HEPHL1: variants seen among roughly 807,000 people sequenced by gnomAD.
HEPHL1 encodes hephaestin like 1.
HEPHL1 carries 123 observed loss-of-function variants against 122.0 expected under a neutral mutation model. The observed-to-expected ratio is 1.01, with a 90% CI of 0.87 to 1.17. HEPHL1 has a LOEUF of 1.17. Among genes scored for constraint, HEPHL1 ranks in the 50% most tolerant of loss-of-function variants. HEPHL1 has a pLI of 0.00. For synonymous variants in HEPHL1, 527 were observed against 508.9 expected (o/e 1.04, Z -0.48); for missense variants, 1,452 against 1,430.5 (o/e 1.01, Z -0.24).
chr11:94,054,072 T>C (rs981393682), intron 2 of HEPHL1, among the ~76,000 whole-genome samples: 5 of 152,224 alleles, frequency 3.3e-5, no homozygotes, highest in African/African-American at 9.6e-5. Context: ...ACAATTATTG[T>C]TGAGTTGTCT....
intron 17 of HEPHL1, among the ~76,000 whole-genome samples, chr11:94,108,827 G>T (rs1001497790): frequency 6.6e-6 from 1 of 151,994 alleles, no homozygotes. Flanking sequence ...AAATCAGATG[G>T]TGATTGTTTT....
At chr11:94,090,912 G>T (rs1383789801) in intron 12 of HEPHL1, among the ~76,000 whole-genome samples, 1 of 152,174 alleles carries the variant, frequency 6.6e-6, no homozygotes, top group Non-Finnish European at 1.5e-5. Flanking sequence ...AAACATGCTG[G>T]GAAGGTCTCA....
Position 94,021,450 on chromosome 11 carries a change from A to T in HEPHL1, c.82A>T (p.Thr28Ser). The T allele has an allele frequency of 6.2e-7, 1 of 1,613,326 alleles. No homozygotes were observed. Among genetic ancestry groups the T allele is most frequent in the Non-Finnish European group, 8.5e-7 (1 of 1,179,282 alleles). Residue 28 changes from threonine (T) to serine (S), a missense_variant, in exon 1 of 20, where the codon ACG (threonine) becomes TCG (serine). Transcript: ENST00000315765. The stretch of plus-strand genomic sequence containing the variant: ...TGGGCTGGTTGGCACAGTTACCAGA[A>T]CGTACTACATTGGGATTGTGGAAGA... Reference protein sequence around the residue: ...LSGLVGTVTRTYYIGIVEEYW... With the variant: ...LSGLVGTVTRSYYIGIVEEYW...
At chr11:94,075,671 G>T (rs928950984) in intron 9 of HEPHL1, among the ~76,000 whole-genome samples, 5 of 152,126 alleles carry the variant, frequency 3.3e-5, no homozygotes, top group African/African-American at 1.2e-4. Flanking sequence ...AATCTTTAGA[G>T]ATCCACATGG....
At chr11:94,042,884 A>AAAAACAAAAAACAAACG (rs1555058791) in intron 1 of HEPHL1, among the ~76,000 whole-genome samples, 1 of 31,086 alleles carries the variant, frequency 3.2e-5, no homozygotes, top group East Asian at 5.5e-4. Context: ...ATAAAAAAAA[A>AAAAACAAAAAACAAACG]AAAAAAAAAC....
At chr11:94,054,646 G>A (rs994992396) in intron 2 of HEPHL1, among the ~76,000 whole-genome samples, 1 of 152,178 alleles carries the variant, frequency 6.6e-6, no homozygotes, top group Non-Finnish European at 1.5e-5. Context: ...ATCAACGATA[G>A]GATGGAGGCT....
chr11:94,073,960 A>C (rs1161304163), intron 8 of HEPHL1, among the ~76,000 whole-genome samples: 2 of 152,156 alleles, frequency 1.3e-5, no homozygotes, highest in Non-Finnish European at 2.9e-5. Flanking sequence ...CACAGAGTAC[A>C]TGGCATAGGT....
chr11:94,055,202 C>T, intron 2 of HEPHL1: 1 of 262,484 alleles, frequency 3.8e-6, no homozygotes, highest in Non-Finnish European at 7.7e-6. Context: ...ACTCCCTTGG[C>T]AGAGATGATG....
chr11:94,093,132 T>C (rs1946274902), intron 12 of HEPHL1, among the ~76,000 whole-genome samples: 1 of 147,928 alleles, frequency 6.8e-6, no homozygotes, highest in African/African-American at 2.5e-5. Context: ...GTGTGTGTGA[T>C]GACACACACA....
At chr11:94,102,453 C>A (rs551076777) in intron 14 of HEPHL1, among the ~76,000 whole-genome samples, 2 of 152,160 alleles carry the variant, frequency 1.3e-5, no homozygotes, top group African/African-American at 4.8e-5. Flanking sequence ...AAAACACTGG[C>A]ACCAGAGTCC....
chr11:94,086,011 C>A lies in HEPHL1; in HGVS notation c.1902C>A (p.Gly634=). 6.2e-7 allele frequency: 1 copy of A among 1,613,898 alleles called. No individual in the cohort carries two copies. Among genetic ancestry groups the A allele is most frequent in the Non-Finnish European group, 8.5e-7 (1 of 1,179,850 alleles). ...GCTACATGTATGGCAACCAGCCAGG[C>A]TTAAACATGTGTAAAAGGGATAGAG... is the stretch of plus-strand genomic sequence containing the variant. ...VNGYMYGNQP[G]LNMCKRDRVS... is the part of the protein sequence containing the mutation. The change falls in exon 11 of 20, where the codon GGC becomes GGA. Residue 634 remains glycine (G), a synonymous_variant. Transcript: ENST00000315765.
intron 17 of HEPHL1, among the ~76,000 whole-genome samples, chr11:94,107,950 A>G (rs1249710584): frequency 6.6e-6 from 1 of 152,224 alleles, no homozygotes; most frequent in African/African-American, 2.4e-5. Flanking sequence ...GTTTGATTTC[A>G]TAAGAAACCA....
intron 9 of HEPHL1, among the ~76,000 whole-genome samples, chr11:94,077,351 C>T (rs1946134497): frequency 6.6e-6 from 1 of 152,158 alleles, no homozygotes; most frequent in South Asian, 2.1e-4. Context: ...GCTGTCTCCT[C>T]TTTCCCCCAT....
chr11:94,074,863 G>T (rs966404176), intron 8 of HEPHL1, among the ~76,000 whole-genome samples: 2 of 152,088 alleles, frequency 1.3e-5, no homozygotes, highest in Non-Finnish European at 2.9e-5. Flanking sequence ...GCATTCCAAT[G>T]ATATTTTATG....
Position 94,093,971 on chromosome 11 carries a change from G to GATATATATATATATATAT in HEPHL1, c.2434+357_2434+374dup, listed in dbSNP as rs201036709. Among the ~76,000 whole-genome samples, 128 of 72,636 alleles carry GATATATATATATATATAT rather than the reference G, an allele frequency of 1.8e-3. 1 individual carries two copies. Among genetic ancestry groups the GATATATATATATATATAT allele is most frequent in the South Asian group, 4.3e-3 (7 of 1,632 alleles). 47.7% of individuals were successfully genotyped at this position (72,636 alleles called of 152,430 possible). A position where few individuals can be genotyped will look rare whatever the true frequency, so the allele number is the denominator to read the frequency against. ...AAATTTTCTTTTAAATCCTCCAGCA[G>GATATATATATATATATAT]ATATATATATATATATATATATATA... On this transcript the variant is annotated intron_variant, in intron 13 of 19. Transcript: ENST00000315765.
intron 10 of HEPHL1, 65 bp downstream of exon 10, chr11:94,082,633 G>A (rs955613140): frequency 1.2e-5 from 18 of 1,454,112 alleles, no homozygotes; most frequent in Non-Finnish European, 1.5e-5. Flanking sequence ...GAAAATGATT[G>A]GTGTGTTTGA....
At chr11:94,042,872 T>TAAAAAAAAAAAAAAAAAAAA (rs1181820453) in intron 1 of HEPHL1, among the ~76,000 whole-genome samples, 2 of 1,200 alleles carry the variant, frequency 1.7e-3, no homozygotes, top group Non-Finnish European at 3.8e-3. Context: ...ACTTAAAGTA[T>TAAAAAAAAAAAAAAAAAAAA]AATAAAAAAA....
intron 8 of HEPHL1, among the ~76,000 whole-genome samples, chr11:94,074,081 G>T (rs1946101066): frequency 6.6e-6 from 1 of 152,020 alleles, no homozygotes. Flanking sequence ...CCCTATTACT[G>T]CAGCAGACAC....
chr11:94,027,995 C>T (rs558567205), intron 1 of HEPHL1, among the ~76,000 whole-genome samples: 21 of 151,982 alleles, frequency 1.4e-4, no homozygotes, highest in African/African-American at 4.3e-4. Flanking sequence ...TGGTGAAGAA[C>T]GTTCCTTCTC....
Sources: gnomAD v4.1 joint callset for allele counts (sites outside exome capture counted in the v4.1 genomes callset) on GRCh38, gnomAD v4.1.1 for gene constraint, MANE v1.5 for transcripts, NCBI Gene and HGNC (gene_info 2026-07-23, HGNC 2026-07-21) for gene names.